Variants in GABRG3 observed in about 807,000 individuals in gnomAD.
The protein encoded by GABRG3 is gamma-aminobutyric acid type A receptor subunit gamma3.
Under a neutral mutation model 48.8 loss-of-function variants are expected in GABRG3, and 25 were observed. The observed-to-expected ratio is 0.51, with a 90% CI of 0.37 to 0.72. The LOEUF (loss-of-function observed/expected upper bound fraction) is 0.72, where lower values mean the gene tolerates loss of function less well. Among genes scored for constraint, GABRG3 ranks in the 30% least tolerant of loss-of-function variants. The probability of loss-of-function intolerance (pLI) is 0.00; values close to 1 mark genes in which losing one functional copy is unlikely to be tolerated. For synonymous variants in GABRG3, 227 were observed against 217.6 expected (o/e 1.04, Z -0.38); for missense variants, 394 against 577.9 (o/e 0.68, Z 3.26).
rs1889979993 is a variant in GABRG3 at position 27,477,665 on chromosome 15, C to T, written c.575-2985C>T. On this transcript the variant is annotated intron_variant, in intron 5 of 9. Coordinates refer to ENST00000615808, the MANE Select transcript of GABRG3 (RefSeq NM_033223.5). ...TGGAGGAGGCTGTGCATGTGTGGGGCAGGGGGTATACAGGAAATCTCTGAA... is the reference window on the plus strand; with the variant it reads ...TGGAGGAGGCTGTGCATGTGTGGGGTAGGGGGTATACAGGAAATCTCTGAA... 3.3e-5 allele frequency among the ~76,000 whole-genome samples: 5 copies of T among 152,074 alleles called. No homozygotes were observed. In the South Asian group the frequency reaches 1.0e-3, roughly 32 times the overall value.
At chr15:27,289,380 T>G (rs1248695164) in intron 3 of GABRG3, among the ~76,000 whole-genome samples, 1 of 152,198 alleles carries the variant, frequency 6.6e-6, no homozygotes, top group East Asian at 1.9e-4. Flanking sequence ...GGATGATCTG[T>G]CTTTGAGTTT....
At position 27,151,291 on chromosome 15, in the gene GABRG3, T is replaced by C. The variant is rs578157631; in HGVS notation, c.270+124470T>C. 1.8e-4 allele frequency among the ~76,000 whole-genome samples: 27 copies of C among 152,182 alleles called. No homozygotes were observed. In the South Asian group the frequency reaches 5.4e-3, roughly 30 times the overall value. On this transcript the variant is annotated intron_variant, in intron 3 of 9. Transcript: ENST00000615808. ...GCAACGACTAATCTGTCCTCCATTT[T>C]TATAATTTTGTTAATTAAAGAATAT...
intron 5 of GABRG3, among the ~76,000 whole-genome samples, chr15:27,368,194 G>A (rs1189647821): frequency 6.6e-6 from 1 of 152,186 alleles, no homozygotes; most frequent in East Asian, 1.9e-4. Flanking sequence ...CAAGATCAAG[G>A]TGTGAGTTTC....
At chr15:27,412,305 A>G (rs553405341) in intron 5 of GABRG3, among the ~76,000 whole-genome samples, 14 of 152,174 alleles carry the variant, frequency 9.2e-5, no homozygotes, top group African/African-American at 2.6e-4. Context: ...CCACCATCCT[A>G]TGGATCACTC....
At chr15:27,306,979 A>ATAAACATGTTTATAT (rs777908834) in intron 3 of GABRG3, among the ~76,000 whole-genome samples, 1 of 68,648 alleles carries the variant, frequency 1.5e-5, no homozygotes, top group African/African-American at 5.4e-5. Flanking sequence ...AAACATATAT[A>ATAAACATGTTTATAT]ATATAAACAT....
intron 3 of GABRG3, among the ~76,000 whole-genome samples, chr15:27,282,963 C>T (rs1008729146): frequency 6.6e-6 from 1 of 152,140 alleles, no homozygotes; most frequent in African/African-American, 2.4e-5. Context: ...CTACCCTTGG[C>T]TCCCTCTGAC....
intron 5 of GABRG3, among the ~76,000 whole-genome samples, chr15:27,385,222 C>G (rs1400647508): frequency 3.0e-5 from 4 of 135,128 alleles, no homozygotes; most frequent in Non-Finnish European, 6.3e-5. Context: ...GCCCACACCT[C>G]AACCTTTTAA....
chr15:27,058,312 G>C (rs1429883977), intron 3 of GABRG3, among the ~76,000 whole-genome samples: 1 of 152,202 alleles, frequency 6.6e-6, no homozygotes, highest in Non-Finnish European at 1.5e-5. Context: ...GGCTATCTCC[G>C]CACAGCAGAG....
At chr15:27,368,445 C>A (rs1043688711) in intron 5 of GABRG3, among the ~76,000 whole-genome samples, 26 of 152,194 alleles carry the variant, frequency 1.7e-4, no homozygotes, top group African/African-American at 6.3e-4. Context: ...TGGTCTCCCT[C>A]AGAAGACAAT....
At chr15:27,011,712 G>A (rs575085178) in intron 2 of GABRG3, among the ~76,000 whole-genome samples, 4 of 152,186 alleles carry the variant, frequency 2.6e-5, no homozygotes, top group Admixed American at 6.5e-5. Context: ...GCCGGGTGTG[G>A]TGGTGGGCGC....
In GABRG3 at chr15:27,132,765, T is replaced by G. The variant is rs538918328; in HGVS notation, c.270+105944T>G. Among the ~76,000 whole-genome samples the G allele has an allele frequency of 1.3e-4, 19 of 151,708 alleles. 2 individuals carry two copies. Among genetic ancestry groups the G allele is most frequent in the African/African-American group, 4.6e-4 (19 of 41,506 alleles). On this transcript the variant is annotated intron_variant, in intron 3 of 9. Transcript: ENST00000615808. Reference sequence around the variant, plus strand: ...ATTTTTTTCAAAGAATCAACTCTTATTTTGTTGATTTTTTTTCCTATTTCT... The same window carrying G: ...ATTTTTTTCAAAGAATCAACTCTTAGTTTGTTGATTTTTTTTCCTATTTCT...
At chr15:27,134,082 A>C (rs1271587911) in intron 3 of GABRG3, among the ~76,000 whole-genome samples, 2 of 152,204 alleles carry the variant, frequency 1.3e-5, no homozygotes, top group East Asian at 3.8e-4. Context: ...CACCAAAGGG[A>C]AAGCGAATTT....
chr15:27,312,830 A>T (rs976745897), intron 3 of GABRG3, among the ~76,000 whole-genome samples: 1 of 152,098 alleles, frequency 6.6e-6, no homozygotes, highest in African/African-American at 2.4e-5. Context: ...ATAAGAAAAT[A>T]AAAAAATCTC....
chr15:27,063,430 G>A (rs573304169), intron 3 of GABRG3, among the ~76,000 whole-genome samples: 1 of 152,324 alleles, frequency 6.6e-6, no homozygotes, highest in East Asian at 1.9e-4. Flanking sequence ...CCTCACGAAC[G>A]GCTTGGGCCA....
In GABRG3 at chr15:27,541,377, C is replaced by T. The variant is rs1338492128; in HGVS notation, c.*8496C>T. On this transcript the variant is annotated 3_prime_UTR_variant, in exon 10 of 10. Coordinates refer to ENST00000615808, the MANE Select transcript of GABRG3 (RefSeq NM_033223.5). ...AGCCGGGGTGTGGGCAGGGTCCTCT[C>T]TCTGTGAAGCCTGTGTGGGAGGTGA... 1 of 152,618 alleles carries T rather than the reference C, an allele frequency of 6.6e-6. No homozygotes were observed. The highest frequency in any genetic ancestry group is 1.5e-5 in the Non-Finnish European group (1 of 68,398). 9.5% of individuals were successfully genotyped at this position (152,618 alleles called of 1,614,324 possible). A position where few individuals can be genotyped will look rare whatever the true frequency, so the allele number is the denominator to read the frequency against.
intron 3 of GABRG3, among the ~76,000 whole-genome samples, chr15:27,143,382 G>T (rs1898140888): frequency 6.6e-6 from 1 of 152,144 alleles, no homozygotes; most frequent in Admixed American, 6.6e-5. Flanking sequence ...ATCTGGCTGG[G>T]TTTCTTATAA....
chr15:27,463,853 A>T (rs1174757600), intron 5 of GABRG3, among the ~76,000 whole-genome samples: 1 of 152,108 alleles, frequency 6.6e-6, no homozygotes, highest in African/African-American at 2.4e-5. Flanking sequence ...ACATCACTCC[A>T]ACTTCTCTCT....
chr15:27,184,115 C>A (rs1032761882), intron 3 of GABRG3, among the ~76,000 whole-genome samples: 4 of 152,104 alleles, frequency 2.6e-5, no homozygotes, highest in Non-Finnish European at 5.9e-5. Context: ...TCACAATGAA[C>A]AATAAAGTTT....
intron 3 of GABRG3, among the ~76,000 whole-genome samples, chr15:27,303,032 A>T (rs1465662672): frequency 1.3e-5 from 2 of 151,862 alleles, no homozygotes; most frequent in Non-Finnish European, 2.9e-5. Flanking sequence ...AAGAAGAAAG[A>T]CCTCAGATCA....
Sources: gnomAD v4.1 joint callset for allele counts (sites outside exome capture counted in the v4.1 genomes callset) on GRCh38, gnomAD v4.1.1 for gene constraint, MANE v1.5 for transcripts, NCBI Gene and HGNC (gene_info 2026-07-23, HGNC 2026-07-21) for gene names.